Variants in CACNB2 observed in about 807,000 individuals in gnomAD.
CACNB2 encodes the protein voltage-dependent L-type calcium channel subunit beta-2.
Under a neutral mutation model 73.3 loss-of-function variants are expected in CACNB2, and 42 were observed. The ratio of observed to expected loss-of-function variants is 0.57; its 90% confidence interval spans 0.45 to 0.74. CACNB2 has a LOEUF of 0.74. CACNB2 is among the 30% of genes least tolerant of loss of function. The pLI is 0.00. For synonymous variants in CACNB2, 348 were observed against 310.3 expected (o/e 1.12, Z -1.28); for missense variants, 940 against 853.0 (o/e 1.10, Z -1.27).
chr10:18,403,836 A>G (rs2044136988), intron 3 of CACNB2, among the ~76,000 whole-genome samples: 1 of 152,030 alleles, frequency 6.6e-6, no homozygotes, highest in Non-Finnish European at 1.5e-5. Flanking sequence ...AAGATAGTTT[A>G]TTTAATGGGT....
intron 2 of CACNB2, among the ~76,000 whole-genome samples, chr10:18,328,320 A>C (rs543653474): frequency 3.5e-4 from 53 of 152,130 alleles, no homozygotes; most frequent in African/African-American, 1.1e-3. Context: ...TTGGAATCTC[A>C]TAGGGTGGGA....
chr10:18,381,546 G>A (rs2043017496), intron 2 of CACNB2, among the ~76,000 whole-genome samples: 1 of 151,980 alleles, frequency 6.6e-6, no homozygotes. Context: ...AAATTAGCTG[G>A]GCGTGATGGC....
intron 2 of CACNB2, among the ~76,000 whole-genome samples, chr10:18,158,512 A>G (rs1027449097): frequency 1.3e-5 from 2 of 152,210 alleles, no homozygotes; most frequent in Admixed American, 6.5e-5. Context: ...CTCTTTGGCT[A>G]TGGGTTGAGA....
intron 2 of CACNB2, among the ~76,000 whole-genome samples, chr10:18,302,040 T>C (rs1249032848): frequency 6.6e-6 from 1 of 151,984 alleles, no homozygotes; most frequent in African/African-American, 2.4e-5. Flanking sequence ...AAAGTAAACA[T>C]AGCCTTAAGA....
chr10:18,389,369 G>T (rs532884869), intron 2 of CACNB2, among the ~76,000 whole-genome samples: 3 of 152,256 alleles, frequency 2.0e-5, no homozygotes, highest in Admixed American at 2.0e-4. Context: ...GAACTCCTGG[G>T]CTCATGCAGT....
chr10:18,205,134 C>T (rs1339990800), intron 2 of CACNB2, among the ~76,000 whole-genome samples: 1 of 152,026 alleles, frequency 6.6e-6, no homozygotes, highest in Non-Finnish European at 1.5e-5. Context: ...ATTTCCTGGA[C>T]TTTCCTTTCA....
intron 3 of CACNB2, among the ~76,000 whole-genome samples, chr10:18,477,534 A>C (rs1195377290): frequency 6.6e-6 from 1 of 152,168 alleles, no homozygotes; most frequent in Non-Finnish European, 1.5e-5. Flanking sequence ...GACAGGTCTC[A>C]ATCAATTTAG....
intron 2 of CACNB2, among the ~76,000 whole-genome samples, chr10:18,353,359 G>T (rs1412329678): frequency 1.3e-5 from 2 of 151,712 alleles, no homozygotes; most frequent in African/African-American, 4.9e-5. Context: ...GCAGTGAGCT[G>T]AGATTGTGCT....
intron 2 of CACNB2, among the ~76,000 whole-genome samples, chr10:18,210,147 G>A (rs555165437): frequency 6.6e-6 from 1 of 152,330 alleles, no homozygotes; most frequent in Admixed American, 6.5e-5. Flanking sequence ...CCACTTGGGA[G>A]CGTGGCAGGA....
chr10:18,180,693 G>A (rs562756925), intron 2 of CACNB2, among the ~76,000 whole-genome samples: 17 of 152,214 alleles, frequency 1.1e-4, no homozygotes, highest in African/African-American at 1.7e-4. Context: ...GAGGCCAGGC[G>A]CGGTGGCTCA....
At chr10:18,278,268 C>G (rs1023147960) in intron 2 of CACNB2, among the ~76,000 whole-genome samples, 1 of 152,086 alleles carries the variant, frequency 6.6e-6, no homozygotes, top group Non-Finnish European at 1.5e-5. Context: ...TAGCTTGAGT[C>G]CAGGAGTTTG....
chr10:18,158,555 AT>A lies in CACNB2; in HGVS notation c.213+7582del, dbSNP rs1335989398. 3.3e-5 allele frequency among the ~76,000 whole-genome samples: 5 copies of A among 152,294 alleles called. No homozygotes were observed. In the East Asian group the frequency reaches 7.7e-4, roughly 24 times the overall value. On this transcript the variant is annotated intron_variant, in intron 2 of 13. Transcript: ENST00000324631. ...CATGAATGAAAAAATTTCATTTATC[AT>A]TGTAATAAACCTGGAAAAGCTATAA...
At chr10:18,213,133 C>T (rs911532620) in intron 2 of CACNB2, among the ~76,000 whole-genome samples, 9 of 152,154 alleles carry the variant, frequency 5.9e-5, no homozygotes, top group East Asian at 1.9e-4. Flanking sequence ...TGGCCCTTGG[C>T]GGCAGGTCCT....
At chr10:18,186,042 A>T (rs527241723) in intron 2 of CACNB2, among the ~76,000 whole-genome samples, 31 of 152,298 alleles carry the variant, frequency 2.0e-4, no homozygotes, top group African/African-American at 7.2e-4. Context: ...TATTTGAATA[A>T]ATGTGTGTCT....
intron 2 of CACNB2, among the ~76,000 whole-genome samples, chr10:18,175,251 T>C (rs2033511837): frequency 6.6e-6 from 1 of 152,222 alleles, no homozygotes; most frequent in Non-Finnish European, 1.5e-5. Flanking sequence ...CGTCTTTCGT[T>C]GTCCACACTG....
chr10:18,179,735 C>T (rs571127679), intron 2 of CACNB2, among the ~76,000 whole-genome samples: 3 of 152,120 alleles, frequency 2.0e-5, no homozygotes, highest in South Asian at 2.1e-4. Flanking sequence ...TGAGTAAACA[C>T]GTGCATGCCA....
intron 5 of CACNB2, among the ~76,000 whole-genome samples, chr10:18,504,968 T>G (rs1395525709): frequency 6.6e-6 from 1 of 152,158 alleles, no homozygotes; most frequent in African/African-American, 2.4e-5. Context: ...TAAATGTAGT[T>G]TTGTTTTGAG....
At chr10:18,518,528 A>T in intron 8 of CACNB2, 112 bp downstream of exon 8, 1 of 786,218 alleles carries the variant, frequency 1.3e-6, no homozygotes, top group Non-Finnish European at 2.3e-6. Context: ...AGCCAACTTT[A>T]GAGCTTAGAG....
chr10:18,175,503 A>G (rs576094268), intron 2 of CACNB2, among the ~76,000 whole-genome samples: 1 of 152,266 alleles, frequency 6.6e-6, no homozygotes, highest in Non-Finnish European at 1.5e-5. Context: ...GCTCTTATTC[A>G]CTTAAGTCTT....
Sources: gnomAD v4.1 joint callset for allele counts (sites outside exome capture counted in the v4.1 genomes callset) on GRCh38, gnomAD v4.1.1 for gene constraint, MANE v1.5 for transcripts, NCBI Gene and HGNC (gene_info 2026-07-23, HGNC 2026-07-21) for gene names.